Variants in ADGRG6 observed in about 807,000 individuals in gnomAD.
ADGRG6 encodes the protein G-protein coupled receptor 126.
ADGRG6 carries 84 observed loss-of-function variants against 142.4 expected under a neutral mutation model. The ratio of observed to expected loss-of-function variants is 0.59; its 90% confidence interval spans 0.49 to 0.71. The LOEUF (loss-of-function observed/expected upper bound fraction) is 0.71. Among genes scored for constraint, ADGRG6 ranks in the 30% least tolerant of loss-of-function variants. The pLI is 0.00. For synonymous variants in ADGRG6, 521 were observed against 520.5 expected, an observed-to-expected ratio of 1.00 and a Z score of -0.01; for missense variants, 1,367 against 1,466.6, an observed-to-expected ratio of 0.93 and a Z score of 1.11.
intron 7 of ADGRG6, among the ~76,000 whole-genome samples, chr6:142,390,878 T>A (rs1347487769): frequency 6.6e-6 from 1 of 151,858 alleles, no homozygotes; most frequent in Non-Finnish European, 1.5e-5. Context: ...TTTTCCTTCT[T>A]TTTTACACGA....
At chr6:142,442,730 C>G (rs1369766443) in intron 24 of ADGRG6, among the ~76,000 whole-genome samples, 2 of 151,808 alleles carry the variant, frequency 1.3e-5, no homozygotes, top group African/African-American at 2.4e-5. Flanking sequence ...AGCTAAAAAC[C>G]TTGGGAAAAT....
At chr6:142,433,434 T>TG (rs1777311222) in intron 22 of ADGRG6, among the ~76,000 whole-genome samples, 1 of 152,188 alleles carries the variant, frequency 6.6e-6, no homozygotes, top group East Asian at 1.9e-4. Flanking sequence ...TTAGGGAATG[T>TG]GGTAGGTATG....
intron 15 of ADGRG6, among the ~76,000 whole-genome samples, chr6:142,406,085 G>A (rs547083066): frequency 6.6e-6 from 1 of 152,048 alleles, no homozygotes; most frequent in Admixed American, 6.6e-5. Flanking sequence ...ATTAGAAATT[G>A]AATTAGTGAA....
chr6:142,419,500 C>A lies in ADGRG6; in HGVS notation c.3036-321C>A, dbSNP rs118174738. Among the ~76,000 whole-genome samples, 67 of 152,228 alleles carry A rather than the reference C, an allele frequency of 4.4e-4. 1 individual carries two copies. The East Asian group carries it at 0.013, about 29-fold the overall frequency. ...ATTTCCCATTCTCAGTGTACAGGCACCCAAAAGAAAAGGAGGTTAGACATG... is the reference window on the plus strand; with the variant it reads ...ATTTCCCATTCTCAGTGTACAGGCAACCAAAAGAAAAGGAGGTTAGACATG... On this transcript the variant is annotated intron_variant, in intron 21 of 24. Coordinates refer to ENST00000367609, the MANE Select transcript of ADGRG6 (RefSeq NM_198569.3).
intron 2 of ADGRG6, among the ~76,000 whole-genome samples, chr6:142,332,978 T>C (rs893638930): frequency 6.6e-6 from 1 of 152,168 alleles, no homozygotes; most frequent in African/African-American, 2.4e-5. Context: ...AGCGTAAAAA[T>C]AGCTTGGCAG....
At chr6:142,373,881 C>CTTTTTTT (rs769498618) in intron 4 of ADGRG6, among the ~76,000 whole-genome samples, 12 of 93,858 alleles carry the variant, frequency 1.3e-4, no homozygotes, top group Admixed American at 2.2e-4. Context: ...TTTTTCTTTT[C>CTTTTTTT]TTTTTTTTTT....
intron 1 of ADGRG6, among the ~76,000 whole-genome samples, chr6:142,307,043 C>CAATATGGATTCCATA (rs1777535064): frequency 5.9e-5 from 9 of 152,082 alleles, no homozygotes; most frequent in Admixed American, 3.3e-4. Flanking sequence ...GATAAGACAG[C>CAATATGGATTCCATA]TTCAGAATTG....
At chr6:142,381,700 G>T (rs1781779517) in intron 4 of ADGRG6, among the ~76,000 whole-genome samples, 1 of 152,088 alleles carries the variant, frequency 6.6e-6, no homozygotes, top group South Asian at 2.1e-4. Context: ...ACTTTAAGGG[G>T]CAGTGGCACT....
At chr6:142,412,992 C>T (rs983202808) in intron 18 of ADGRG6, among the ~76,000 whole-genome samples, 10 of 151,564 alleles carry the variant, frequency 6.6e-5, no homozygotes, top group African/African-American at 2.4e-4. Context: ...TGTAATTACG[C>T]ATTATTTTTT....
At chr6:142,437,146 G>T (rs1443728204) in intron 22 of ADGRG6, among the ~76,000 whole-genome samples, 1 of 152,144 alleles carries the variant, frequency 6.6e-6, no homozygotes, top group Non-Finnish European at 1.5e-5. Flanking sequence ...ATTGAATGTT[G>T]CTTATTTCAG....
At chr6:142,311,499 T>C (rs532199447) in intron 2 of ADGRG6, among the ~76,000 whole-genome samples, 14 of 151,940 alleles carry the variant, frequency 9.2e-5, no homozygotes, top group Non-Finnish European at 1.5e-4. Flanking sequence ...AGCATGGGGT[T>C]CCTTATAATG....
At chr6:142,417,241 A>G (rs754893628) in intron 20 of ADGRG6, 32 bp from the exon 21 acceptor site, 3 of 1,146,414 alleles carry the variant, frequency 2.6e-6, no homozygotes, top group Admixed American at 3.5e-5. Flanking sequence ...AGATGCTTCA[A>G]AAGAGTTTGT....
chr6:142,368,707 G>A (rs892120174), intron 3 of ADGRG6, among the ~76,000 whole-genome samples: 3 of 151,864 alleles, frequency 2.0e-5, no homozygotes, highest in Admixed American at 6.6e-5. Context: ...TATAAATTGT[G>A]TTTTTTGATT....
At chr6:142,315,454 T>A (rs551071182) in intron 2 of ADGRG6, among the ~76,000 whole-genome samples, 14 of 151,942 alleles carry the variant, frequency 9.2e-5, no homozygotes, top group African/African-American at 2.9e-4. Flanking sequence ...GGTGGGGTAG[T>A]ATGGGGAGGA....
At chr6:142,357,278 C>T (rs1780491871) in intron 2 of ADGRG6, among the ~76,000 whole-genome samples, 1 of 152,108 alleles carries the variant, frequency 6.6e-6, no homozygotes, top group African/African-American at 2.4e-5. Flanking sequence ...TCCCCTGATA[C>T]ATTATACCTG....
intron 23 of ADGRG6, 46 bp from the exon 24 acceptor site, chr6:142,438,166 T>A: frequency 7.5e-7 from 1 of 1,334,442 alleles, no homozygotes; most frequent in Non-Finnish European, 1.0e-6. Flanking sequence ...GCAGTTCATA[T>A]TCCCGGTAAA....
chr6:142,350,031 A>G (rs1471068888), intron 2 of ADGRG6, among the ~76,000 whole-genome samples: 7 of 152,240 alleles, frequency 4.6e-5, no homozygotes, highest in African/African-American at 1.7e-4. Context: ...GTTAGTTAGG[A>G]TCCCTGACTT....
intron 2 of ADGRG6, among the ~76,000 whole-genome samples, chr6:142,333,420 C>T (rs1004294133): frequency 4.6e-5 from 7 of 152,282 alleles, no homozygotes; most frequent in South Asian, 2.1e-4. Flanking sequence ...CCTGGACTAT[C>T]AGCTTGTTTT....
At chr6:142,368,070 T>A (rs1781041539) in intron 3 of ADGRG6, among the ~76,000 whole-genome samples, 160 bp downstream of exon 3, 1 of 152,240 alleles carries the variant, frequency 6.6e-6, no homozygotes, top group Non-Finnish European at 1.5e-5. Context: ...TGAGCATTCT[T>A]GTTAGCAAAA....
Sources: gnomAD v4.1 joint callset for allele counts (sites outside exome capture counted in the v4.1 genomes callset) on GRCh38, gnomAD v4.1.1 for gene constraint, MANE v1.5 for transcripts, NCBI Gene and HGNC (gene_info 2026-07-23, HGNC 2026-07-21) for gene names.